Variants in ATXN2 observed in about 807,000 individuals in gnomAD.
ATXN2 encodes the protein ataxin-2.
In ATXN2, 37 loss-of-function variants were observed where a neutral mutation model predicts 138.6. The ratio of observed to expected loss-of-function variants is 0.27; its 90% CI spans 0.21 to 0.35. The LOEUF is 0.35. Ranked by LOEUF, ATXN2 falls within the 10% of genes least tolerant of loss-of-function variation. ATXN2 has a pLI of 1.00. For synonymous variants in ATXN2, 549 were observed against 543.7 expected, an observed-to-expected ratio of 1.01 and a Z score of -0.13; for missense variants, 1,216 against 1,480.3, an observed-to-expected ratio of 0.82 and a Z score of 2.93.
chr12:111,457,157 G>A, intron 22 of ATXN2, 57 bp downstream of exon 22: 1 of 1,557,640 alleles, frequency 6.4e-7, no homozygotes. Flanking sequence ...CCTGAAGAAA[G>A]CACTCAGATA....
chr12:111,538,650 G>A (rs893531002), intron 5 of ATXN2, among the ~76,000 whole-genome samples: 1 of 150,158 alleles, frequency 6.7e-6, no homozygotes, highest in Non-Finnish European at 1.5e-5. Flanking sequence ...ACTGTACCCA[G>A]CCAGTAATTT....
In ATXN2 at chr12:111,485,731, T is replaced by C; in HGVS notation, c.2439A>G (p.Pro813=). ...CFAPNMMYPV[P]VSPGVQPLYP... ...GACTTACTTGCACGCCTGGGCTCAC[T>C]GGGACTGGATACATCATATTTGGTG... Residue 813 remains proline (P), a synonymous_variant, in exon 17 of 25, where the codon CCA becomes CCG. Coordinates refer to ENST00000673436, the MANE Select transcript of ATXN2 (RefSeq NM_001372574.1). 1 of 1,614,074 alleles carries C rather than the reference T, an allele frequency of 6.2e-7. No homozygotes were observed. Among genetic ancestry groups the C allele is most frequent in the South Asian group, 1.1e-5 (1 of 91,054 alleles).
chr12:111,550,202 T>C (rs1371183475), intron 5 of ATXN2, among the ~76,000 whole-genome samples: 1 of 152,216 alleles, frequency 6.6e-6, no homozygotes, highest in Middle Eastern at 3.2e-3. Flanking sequence ...AGTGAGATTT[T>C]CAAAGTTGTC....
At position 111,599,080 on chromosome 12, in the gene ATXN2, G is replaced by A; in HGVS notation, c.-46C>T. On this transcript the variant is annotated 5_prime_UTR_variant, in exon 1 of 25. Coordinates refer to ENST00000673436, the MANE Select transcript of ATXN2 (RefSeq NM_001372574.1). ...GCTCGCACGCCGGGCGGGGACAGCC[G>A]GGAGCCGGGCGCGCCAAGGAGACGC... The A allele has an allele frequency of 7.2e-7, 1 of 1,383,194 alleles. No homozygotes were observed. The highest frequency in any genetic ancestry group is 1.6e-5 in the South Asian group (1 of 62,780). The allele number at this position is 1,383,194 out of a possible 1,614,324, so 85.7% of individuals were successfully genotyped here.
At chr12:111,597,447 C>T (rs1884993270) in intron 1 of ATXN2, among the ~76,000 whole-genome samples, 1 of 152,188 alleles carries the variant, frequency 6.6e-6, no homozygotes, top group African/African-American at 2.4e-5. Flanking sequence ...GCCTACAACA[C>T]GGATGGACTT....
chr12:111,590,698 A>C, intron 1 of ATXN2, among the ~76,000 whole-genome samples: 1 of 134,328 alleles, frequency 7.4e-6, no homozygotes, highest in African/African-American at 4.0e-5. Context: ...AAAAAAAAAA[A>C]ACAGGCCTGT....
Position 111,516,086 on chromosome 12 carries a change from G to A in ATXN2, c.1375+68C>T. Reference sequence around the variant, plus strand: ...TAAATAATGAAGAGGAAACTATTTTGTAATTATAAACTCACATAGGAGTTA... The same window carrying A: ...TAAATAATGAAGAGGAAACTATTTTATAATTATAAACTCACATAGGAGTTA... On this transcript the variant is annotated intron_variant, in intron 10 of 24. Transcript: ENST00000673436. The surrounding 1 kb of genome is among the most constrained non-coding windows in gnomAD (Gnocchi z 5.0). 1 of 1,400,738 alleles carries A rather than the reference G, an allele frequency of 7.1e-7. No homozygotes were observed. The highest frequency in any genetic ancestry group is 9.7e-7 in the Non-Finnish European group (1 of 1,029,024). 86.8% of individuals were successfully genotyped at this position (1,400,738 alleles called of 1,614,324 possible).
chr12:111,568,892 A>G (rs978027033), intron 1 of ATXN2, among the ~76,000 whole-genome samples: 1 of 152,224 alleles, frequency 6.6e-6, no homozygotes, highest in East Asian at 1.9e-4. Flanking sequence ...GGGAAATCCT[A>G]TACCACGTAT....
intron 5 of ATXN2, among the ~76,000 whole-genome samples, chr12:111,549,671 T>C (rs1882016984): frequency 6.6e-6 from 1 of 152,230 alleles, no homozygotes; most frequent in South Asian, 2.1e-4. Flanking sequence ...AGTCTTAGCT[T>C]AAGAGACCTG....
chr12:111,510,334 C>G (rs774141387), intron 12 of ATXN2, 51 bp downstream of exon 12: 1 of 1,560,050 alleles, frequency 6.4e-7, no homozygotes, highest in South Asian at 1.1e-5. Flanking sequence ...CACCCTCTAA[C>G]ATTCAATTTC....
rs531250905 is a variant in ATXN2, at chr12:111,550,130, T to A, written c.571+2150A>T. ...CCTGAAATTACTCCAATAGTGGATG[T>A]CCTCATCAAGAAAACTAATTTTGTA... On this transcript the variant is annotated intron_variant, in intron 5 of 24. Transcript: ENST00000673436. Among the ~76,000 whole-genome samples, 24 of 151,792 alleles carry A rather than the reference T, an allele frequency of 1.6e-4. No homozygotes were observed. The South Asian group carries it at 4.2e-3, about 27-fold the overall frequency.
chr12:111,495,058 G>A (rs1878323638), intron 14 of ATXN2, among the ~76,000 whole-genome samples: 1 of 151,934 alleles, frequency 6.6e-6, no homozygotes, highest in South Asian at 2.1e-4. Flanking sequence ...GTAATCCCAG[G>A]ACTTTGGGAG....
intron 20 of ATXN2, among the ~76,000 whole-genome samples, chr12:111,465,767 CAAAAAA>C (rs61456193): frequency 1.5e-3 from 56 of 36,266 alleles, no homozygotes; most frequent in East Asian, 0.014. Flanking sequence ...GAGACTACCT[CAAAAAA>C]AAAAAAAAAA....
intron 1 of ATXN2, among the ~76,000 whole-genome samples, chr12:111,558,257 ATCCAT>A (rs1420348932): frequency 6.6e-5 from 10 of 152,198 alleles, no homozygotes; most frequent in Non-Finnish European, 1.5e-4. Flanking sequence ...TTCTTTTTGT[ATCCAT>A]TCAAGTTATG....
At chr12:111,454,579 G>A (rs558279845) in intron 23 of ATXN2, 1 of 158,358 alleles carries the variant, frequency 6.3e-6, no homozygotes, top group East Asian at 1.8e-4. Flanking sequence ...TTGGAAAGGT[G>A]ATTTTAGTCA....
At chr12:111,473,014 T>A (rs1876522169) in intron 18 of ATXN2, among the ~76,000 whole-genome samples, 1 of 152,226 alleles carries the variant, frequency 6.6e-6, no homozygotes, top group Admixed American at 6.5e-5. Context: ...GGCTCATGCC[T>A]GTAGTCCCAC....
intron 2 of ATXN2, among the ~76,000 whole-genome samples, chr12:111,554,832 G>A (rs965732713): frequency 6.6e-6 from 1 of 152,198 alleles, no homozygotes; most frequent in African/African-American, 2.4e-5. Flanking sequence ...GAAGGGTGAA[G>A]TATAAATAAA....
At position 111,516,323 on chromosome 12, in the gene ATXN2, G is replaced by A. The variant is rs1389016108; in HGVS notation, c.1206C>T (p.Arg402=). 1 of 1,585,978 alleles carries A rather than the reference G, an allele frequency of 6.3e-7. No homozygotes were observed. The highest frequency in any genetic ancestry group is 8.6e-7 in the Non-Finnish European group (1 of 1,169,434). The change falls in exon 10 of 25, where the codon CGC becomes CGT. Residue 402 remains arginine, a synonymous_variant. Transcript: ENST00000673436. This position sits in a 1 kb window ranked among gnomAD's most constrained non-coding sequence, Gnocchi z 5.0. The part of the protein sequence containing the change: ...WPSPCPSPSS[R]PPSRYQSGPN... The stretch of plus-strand genomic sequence containing the variant: ...GACCTGACTGGTAGCGAGAAGGTGG[G>A]CGAGAGGAAGGAGATGGGCAAGGCG...
intron 20 of ATXN2, 183 bp downstream of exon 20, chr12:111,469,925 G>C (rs896929003): frequency 3.2e-6 from 2 of 618,532 alleles, no homozygotes; most frequent in Admixed American, 3.2e-5. Flanking sequence ...AGGTACAGAA[G>C]TAGAAACTAT....
Sources: allele counts gnomAD v4.1 joint callset (sites outside exome capture counted in the v4.1 genomes callset), GRCh38; gene constraint gnomAD v4.1.1; non-coding constraint Gnocchi (gnomAD v3.1); transcripts MANE v1.5; gene names NCBI Gene and HGNC (gene_info 2026-07-23, HGNC 2026-07-21).